HOMER3: variants seen among roughly 807,000 people sequenced by gnomAD.
The protein encoded by HOMER3 is homer scaffold protein 3.
Under a neutral mutation model 45.5 loss-of-function variants are expected in HOMER3, and 34 were observed. The observed-to-expected ratio is 0.75, with a 90% CI of 0.57 to 1.00. HOMER3 has a LOEUF of 1.00. Ranked by LOEUF, HOMER3 falls within the 50% of genes least tolerant of loss-of-function variation. HOMER3 has a pLI of 0.00. For synonymous variants in HOMER3, 223 were observed against 208.8 expected (o/e 1.07, Z -0.58); for missense variants, 480 against 497.5 (o/e 0.96, Z 0.33).
chr19:18,932,703 AAG>A (rs1274809085), intron 6 of HOMER3, among the ~76,000 whole-genome samples: 2 of 151,468 alleles, frequency 1.3e-5, no homozygotes, highest in Admixed American at 1.3e-4. Context: ...TAGCAGCGAG[AAG>A]AGACAGGGAT....
At chr19:18,934,268 GC>G in intron 5 of HOMER3, 34 bp downstream of exon 5, 1 of 1,248,602 alleles carries the variant, frequency 8.0e-7, no homozygotes, top group Non-Finnish European at 1.1e-6. Context: ...ACTCACAGGT[GC>G]CCAGGCAGGC....
Position 18,929,584 on chromosome 19 carries a change from C to T in HOMER3, c.945G>A (p.Glu315=). The change falls in exon 10 of 10, where the codon GAG becomes GAA. Residue 315 remains glutamate, a synonymous_variant. Transcript: ENST00000392351. The stretch of plus-strand genomic sequence containing the variant: ...CTGCCCGTGCCTCCTCCAGGCTGCG[C>T]TCCATCGCCCGCAGCTGGTGCTCCA... ...AELEHQLRAM[E]RSLEEARAER... is the part of the protein sequence containing the mutation. The T allele has an allele frequency of 1.3e-6, 2 of 1,542,726 alleles. No homozygotes were observed. Among genetic ancestry groups the T allele is most frequent in the East Asian group, 4.9e-5 (2 of 41,128 alleles).
In HOMER3 at chr19:18,931,642, G is replaced by A; in HGVS notation, c.691-17C>T. On this transcript the variant is annotated splice_polypyrimidine_tract_variant and intron_variant, in intron 7 of 9. Transcript: ENST00000392351. ...CTCAGCCACCTGTAGGGCAGGAATA[G>A]CAGCCCCTGACGCCCCCGCCTGCAC... 1.3e-6 allele frequency: 2 copies of A among 1,584,010 alleles called. No individual in the cohort carries two copies.
At chr19:18,931,225 G>A (rs1416584653) in intron 9 of HOMER3, 100 bp downstream of exon 9, 1 of 1,064,444 alleles carries the variant, frequency 9.4e-7, no homozygotes, top group Non-Finnish European at 1.4e-6. Flanking sequence ...CACAGGACTG[G>A]GCCTCCCAAT....
At chr19:18,934,721 C>T (rs151196891) in intron 4 of HOMER3, among the ~76,000 whole-genome samples, 2 of 152,150 alleles carry the variant, frequency 1.3e-5, no homozygotes, top group Non-Finnish European at 2.9e-5. Flanking sequence ...CGGCTCACTG[C>T]AGCCTTGACC....
intron 1 of HOMER3, chr19:18,939,341 T>G: frequency 3.9e-6 from 1 of 253,310 alleles, no homozygotes. Context: ...CTGGGGAGGC[T>G]GAGGTGGGAG....
intron 6 of HOMER3, 85 bp from the exon 7 acceptor site, chr19:18,932,217 G>A (rs1007517018): frequency 5.5e-6 from 7 of 1,270,436 alleles, no homozygotes; most frequent in Admixed American, 2.6e-5. Context: ...CGGGGCCAGG[G>A]GTGGGATAGC....
At chr19:18,930,287 C>A (rs1463298892) in intron 9 of HOMER3, among the ~76,000 whole-genome samples, 6 of 147,688 alleles carry the variant, frequency 4.1e-5, no homozygotes, top group African/African-American at 1.3e-4. Flanking sequence ...GTGGTTTACG[C>A]CTATAATCCC....
intron 9 of HOMER3, 51 bp downstream of exon 9, chr19:18,931,274 T>C (rs748505253): frequency 8.2e-6 from 12 of 1,456,260 alleles, no homozygotes; most frequent in East Asian, 2.3e-5. Context: ...TGAGTGTCTG[T>C]TGAGGTGACT....
At chr19:18,929,659 TG>T (rs999171868) in intron 9 of HOMER3, 25 bp from the exon 10 acceptor site, 19 of 1,435,852 alleles carry the variant, frequency 1.3e-5, no homozygotes, top group Non-Finnish European at 1.6e-5. Context: ...TGGGCAGGGT[TG>T]GGGGCCCCAA....
Position 18,929,651 on chromosome 19 carries a change from G to T in HOMER3, c.895-17C>A. On this transcript the variant is annotated splice_polypyrimidine_tract_variant and intron_variant, in intron 9 of 9. Transcript: ENST00000392351. ...CTCCAGGTCCTGCCAGGAAAGGGTG[G>T]GCAGGGTTGGGGGCCCCAACAAATC... The T allele has an allele frequency of 6.7e-7, 1 of 1,487,254 alleles. No homozygotes were observed. 92.1% of individuals were successfully genotyped at this position (1,487,254 alleles called of 1,614,324 possible).
chr19:18,932,090 C>A lies in HOMER3; in HGVS notation c.576G>T (p.Leu192=). 1 of 1,571,010 alleles carries A rather than the reference C, an allele frequency of 6.4e-7. No individual in the cohort carries two copies. ...EVQWEAEFFA[L]QDSNNKLAGA... ...CTGCCAGCTTGTTGTTGCTGTCCTG[C>A]AGTGCGAAAAACTCGGCCTCCCACT... The change falls in exon 7 of 10, where the codon CTG becomes CTT. Residue 192 remains leucine, a synonymous_variant. Transcript: ENST00000392351.
At chr19:18,933,904 C>G (rs1036130311) in intron 5 of HOMER3, among the ~76,000 whole-genome samples, 26 of 152,124 alleles carry the variant, frequency 1.7e-4, no homozygotes, top group Non-Finnish European at 3.5e-4. Context: ...TGGAGTATCA[C>G]CATGTTGGCC....
At chr19:18,938,107 G>A (rs544816644) in intron 4 of HOMER3, among the ~76,000 whole-genome samples, 24 of 152,072 alleles carry the variant, frequency 1.6e-4, no homozygotes, top group Non-Finnish European at 2.9e-4. Flanking sequence ...CAGGAGAATC[G>A]CTTGAACCCG....
In HOMER3 at chr19:18,929,321, G is replaced by C; in HGVS notation, c.*122C>G. On this transcript the variant is annotated 3_prime_UTR_variant, in exon 10 of 10. Transcript: ENST00000392351. ...GGCCCACCCCAGCCCAGCCCGGCCC[G>C]GCCCACCCAGGGCTAAGTTGGGACC... is the stretch of plus-strand genomic sequence containing the variant. The C allele has an allele frequency of 2.3e-4, 196 of 844,350 alleles. No homozygotes were observed. Among genetic ancestry groups the C allele is most frequent in the East Asian group, 5.9e-4 (18 of 30,658 alleles). 52.3% of individuals were successfully genotyped at this position (844,350 alleles called of 1,614,324 possible). A position where few individuals can be genotyped will look rare whatever the true frequency, so the allele number is the denominator to read the frequency against.
At chr19:18,931,732 C>A in intron 7 of HOMER3, 107 bp from the exon 8 acceptor site, 1 of 1,502,804 alleles carries the variant, frequency 6.7e-7, no homozygotes, top group Non-Finnish European at 8.8e-7. Flanking sequence ...GGACCGAGCA[C>A]CCATCTCCCT....
In HOMER3 at chr19:18,938,481, T is replaced by C. The variant is rs751745866; in HGVS notation, c.175A>G (p.Ile59Val). ...TTGGGAGTGACAGTGCTGTTGATGATGGCCTAGGGTCGGGGAACAAAGTTC... is the reference window on the plus strand; with the variant it reads ...TTGGGAGTGACAGTGCTGTTGATGACGGCCTAGGGTCGGGGAACAAAGTTC... ...RIISIGGAKA[I>V]INSTVTPNMT... The change falls in exon 4 of 10, where the codon ATC becomes GTC. Residue 59 changes from isoleucine (I) to valine (V), a missense_variant. Coordinates refer to ENST00000392351, the MANE Select transcript of HOMER3 (RefSeq NM_004838.4). 52 of 1,612,554 alleles carry C rather than the reference T, an allele frequency of 3.2e-5. No homozygotes were observed. The highest frequency in any genetic ancestry group is 4.2e-5 in the Non-Finnish European group (50 of 1,178,796).
In HOMER3 at chr19:18,934,324, G is replaced by C. The variant is rs1458815062; in HGVS notation, c.390C>G (p.Ala130=). ...SQDGGELTSP[A]LGLASHQVPP... ...TGACCTGGTGGGAGGCGAGCCCCAG[G>C]GCTGGACTGGTGAGCTCCCCGCCAT... is the stretch of plus-strand genomic sequence containing the variant. The change falls in exon 5 of 10, where the codon GCC becomes GCG. Residue 130 remains alanine (A), a synonymous_variant. Transcript: ENST00000392351. 2 of 1,569,958 alleles carry C rather than the reference G, an allele frequency of 1.3e-6. No individual in the cohort carries two copies. Among genetic ancestry groups the C allele is most frequent in the Non-Finnish European group, 1.7e-6 (2 of 1,157,962 alleles).
chr19:18,931,227 C>T lies in HOMER3; in HGVS notation c.894+98G>A, dbSNP rs1449298727. On this transcript the variant is annotated intron_variant, in intron 9 of 9. Coordinates refer to ENST00000392351, the MANE Select transcript of HOMER3 (RefSeq NM_004838.4). ...GCATCAGGCCTTCCACAGGACTGGG[C>T]CTCCCAATACTTTATCATCTTAGGT... is the stretch of plus-strand genomic sequence containing the variant. 2.1e-5 allele frequency: 23 copies of T among 1,089,744 alleles called. No individual in the cohort carries two copies. In the East Asian group the frequency reaches 4.8e-4, roughly 23 times the overall value. The allele number at this position is 1,089,744 out of a possible 1,614,324, so 67.5% of individuals were successfully genotyped here.
Sources: allele counts gnomAD v4.1 joint callset (sites outside exome capture counted in the v4.1 genomes callset), GRCh38; gene constraint gnomAD v4.1.1; transcripts MANE v1.5; gene names NCBI Gene and HGNC (gene_info 2026-07-23, HGNC 2026-07-21).